TASP1: variants seen among roughly 807,000 people sequenced by gnomAD.
TASP1 encodes the protein taspase 1, also known as threonine aspartase 1.
Under a neutral mutation model 56.6 loss-of-function variants are expected in TASP1, and 16 were observed. The observed-to-expected ratio is 0.28, with a 90% CI of 0.19 to 0.43. TASP1 has a LOEUF of 0.43. Among genes scored for constraint, TASP1 ranks in the 20% least tolerant of loss-of-function variants. TASP1 has a pLI of 1.00. For synonymous variants in TASP1, 179 were observed against 184.2 expected (o/e 0.97, Z 0.23); for missense variants, 393 against 511.6 (o/e 0.77, Z 2.24).
At chr20:13,470,102 G>GA (rs1217680264) in intron 11 of TASP1, among the ~76,000 whole-genome samples, 1 of 151,774 alleles carries the variant, frequency 6.6e-6, no homozygotes, top group African/African-American at 2.4e-5. Context: ...GTATCCAAGG[G>GA]AAAAAAGTCT....
the TASP1 span, among the ~76,000 whole-genome samples, chr20:13,350,963 A>T: frequency 1.4e-5 from 2 of 142,594 alleles, no homozygotes; most frequent in Admixed American, 7.2e-5. Context: ...GGCTTCCAAA[A>T]GTGAAAAAAA....
intron 8 of TASP1, among the ~76,000 whole-genome samples, chr20:13,548,465 A>G (rs903902316): frequency 3.3e-5 from 5 of 152,182 alleles, no homozygotes; most frequent in African/African-American, 4.8e-5. Flanking sequence ...GGAAAAATAC[A>G]TATAGATTCA....
the TASP1 span, among the ~76,000 whole-genome samples, chr20:13,280,366 G>A: frequency 1.1e-5 from 1 of 90,462 alleles, no homozygotes; most frequent in Admixed American, 1.1e-4. Flanking sequence ...CCACATGAAC[G>A]TGTGTGTCTC....
the TASP1 span, among the ~76,000 whole-genome samples, chr20:13,226,802 C>T: frequency 6.6e-6 from 1 of 152,164 alleles, no homozygotes; most frequent in African/African-American, 2.4e-5. Flanking sequence ...TGAGTTTGCA[C>T]AACTTCATTT....
chr20:13,492,221 C>T (rs2043557621), intron 10 of TASP1, among the ~76,000 whole-genome samples: 1 of 152,170 alleles, frequency 6.6e-6, no homozygotes, highest in Non-Finnish European at 1.5e-5. Flanking sequence ...TAAATGCTGC[C>T]ATTCACTCTC....
chr20:13,599,017 T>G lies in TASP1; in HGVS notation c.283-11647A>C, dbSNP rs550617965. On this transcript the variant is annotated intron_variant, in intron 4 of 13. Transcript: ENST00000337743. ...CAATTAGAACGGCGATCATTAAAAA[T>G]TCAGGAAACAACAGATGCTGGAGAG... is the stretch of plus-strand genomic sequence containing the variant. 3.3e-5 allele frequency among the ~76,000 whole-genome samples: 5 copies of G among 152,094 alleles called. No homozygotes were observed. In the South Asian group the frequency reaches 1.0e-3, roughly 32 times the overall value.
At chr20:13,164,552 A>G in the TASP1 span, 1 of 588,996 alleles carries the variant, frequency 1.7e-6, no homozygotes, top group African/African-American at 1.9e-5. Context: ...AGACCACTAA[A>G]TAAAATTAAT....
At chr20:13,599,966 A>G (rs2047891948) in intron 4 of TASP1, among the ~76,000 whole-genome samples, 1 of 152,174 alleles carries the variant, frequency 6.6e-6, no homozygotes, top group South Asian at 2.1e-4. Context: ...CAAGATCAAT[A>G]TATAAACAAA....
chr20:13,632,198 A>G (rs929573377), intron 1 of TASP1, among the ~76,000 whole-genome samples: 1 of 151,916 alleles, frequency 6.6e-6, no homozygotes, highest in Non-Finnish European at 1.5e-5. Context: ...CCCCGTCTCC[A>G]CTAAAAATAC....
At chr20:13,158,435 C>T in the TASP1 span, among the ~76,000 whole-genome samples, 1 of 152,160 alleles carries the variant, frequency 6.6e-6, no homozygotes, top group Admixed American at 6.5e-5. Context: ...AAACGTGCTT[C>T]CTTTGGCACA....
intron 4 of TASP1, among the ~76,000 whole-genome samples, chr20:13,599,679 TA>T (rs897418537): frequency 1.3e-5 from 2 of 150,094 alleles, no homozygotes; most frequent in African/African-American, 4.9e-5. Context: ...AGTATAATTT[TA>T]AAAAAAAATC....
chr20:13,577,980 T>C (rs968363420), intron 6 of TASP1, among the ~76,000 whole-genome samples: 2 of 152,226 alleles, frequency 1.3e-5, no homozygotes, highest in African/African-American at 4.8e-5. Flanking sequence ...AGCCTTCATG[T>C]GCTGTACAAG....
At chr20:13,223,984 G>C in the TASP1 span, among the ~76,000 whole-genome samples, 12 of 152,194 alleles carry the variant, frequency 7.9e-5, no homozygotes, top group East Asian at 2.3e-3. Flanking sequence ...GAAGCAGCTG[G>C]TGGAAGTGGC....
intron 4 of TASP1, among the ~76,000 whole-genome samples, chr20:13,611,049 T>C (rs2048332857): frequency 6.6e-6 from 1 of 152,176 alleles, no homozygotes; most frequent in Admixed American, 6.5e-5. Flanking sequence ...GGAGAAAAGT[T>C]AATAAAATGG....
rs530467236 is a variant in TASP1, at chr20:13,395,676, T to C, written c.1171-5224A>G. ...TGTGAATTCTTGCCTGACATGATAA[T>C]AGTCACCCTCAGCTTTCTTTTTTTT... On this transcript the variant is annotated intron_variant, in intron 13 of 13. Transcript: ENST00000337743. 3.3e-5 allele frequency among the ~76,000 whole-genome samples: 5 copies of C among 151,826 alleles called. No homozygotes were observed. In the South Asian group the frequency reaches 8.3e-4, roughly 25 times the overall value.
the TASP1 span, among the ~76,000 whole-genome samples, chr20:13,140,643 A>AT: frequency 6.8e-6 from 1 of 146,778 alleles, no homozygotes; most frequent in South Asian, 2.1e-4. Flanking sequence ...TATCTACAGG[A>AT]TTAAAAAAAC....
At chr20:13,290,695 TGAA>T in the TASP1 span, among the ~76,000 whole-genome samples, 3 of 151,812 alleles carry the variant, frequency 2.0e-5, no homozygotes, top group Non-Finnish European at 4.4e-5. Context: ...AAGATAAAGG[TGAA>T]GAAGAAAAAA....
chr20:13,407,970 T>TC (rs2041980296), intron 13 of TASP1, among the ~76,000 whole-genome samples: 1 of 152,192 alleles, frequency 6.6e-6, no homozygotes, highest in South Asian at 2.1e-4. Flanking sequence ...TACAAGCTCC[T>TC]CACCAATTAC....
At chr20:13,615,000 C>A (rs1284881727) in intron 4 of TASP1, 1 of 279,518 alleles carries the variant, frequency 3.6e-6, no homozygotes, top group African/African-American at 2.2e-5. Flanking sequence ...ATGGAAACAT[C>A]ACTCAAGAAG....
Sources: gnomAD v4.1 joint callset for allele counts (sites outside exome capture counted in the v4.1 genomes callset) on GRCh38, gnomAD v4.1.1 for gene constraint, MANE v1.5 for transcripts, NCBI Gene and HGNC (gene_info 2026-07-23, HGNC 2026-07-21) for gene names.